Variants in HSPA9 observed in about 807,000 individuals in gnomAD.
HSPA9 encodes heat shock protein family A (Hsp70) member 9, also known as stress-70 protein, mitochondrial.
A neutral mutation model predicts 81.5 loss-of-function variants in HSPA9; 28 were observed. That is an observed-to-expected ratio of 0.34 (90% CI 0.25 to 0.47). The LOEUF (loss-of-function observed/expected upper bound fraction) is 0.47, where lower values mean the gene tolerates loss of function less well. Ranked by LOEUF, HSPA9 falls within the 20% of genes least tolerant of loss-of-function variation. The pLI, the probability that HSPA9 is intolerant of heterozygous loss-of-function variation, is 1.00. For missense variants in HSPA9, 678 were observed against 838.0 expected (o/e 0.81, Z 2.36); for synonymous variants, 293 against 290.4 (o/e 1.01, Z -0.09).
At chr5:138,569,135 C>G (rs1750826293) in intron 4 of HSPA9, 86 bp from the exon 5 acceptor site, 1 of 1,312,122 alleles carries the variant, frequency 7.6e-7, no homozygotes, top group South Asian at 1.2e-5. Context: ...CATCCATCTT[C>G]CACCCCAAGA....
At chr5:138,562,331 C>T (rs368639248) in intron 9 of HSPA9, among the ~76,000 whole-genome samples, 3 of 149,562 alleles carry the variant, frequency 2.0e-5, no homozygotes, top group African/African-American at 7.3e-5. Context: ...GGGTGGATCA[C>T]GAGGTCAGGA....
Position 138,561,581 on chromosome 5 carries a change from T to C in HSPA9, c.1181A>G (p.Lys394Arg). ...ILVGGMTRMP[K>R]VQQTVQDLFG... is the part of the protein sequence containing the mutation. ...CGACAGAATTCCACTGGTCCATACC[T>C]TGGGCATCCTAGTCATGCCACCCAC... Residue 394 changes from lysine to arginine, a missense_variant and splice_region_variant, in exon 10 of 17, where the codon AAG (lysine) becomes AGG (arginine). Lys to Arg is a conservative substitution (Grantham distance 26). Around this residue, in one of 4 missense-constraint regions of HSPA9, gnomAD observed 484 missense variants for 647.5 expected, o/e 0.75. Coordinates refer to ENST00000297185, the MANE Select transcript of HSPA9 (RefSeq NM_004134.7). 3 of 1,610,884 alleles carry C rather than the reference T, an allele frequency of 1.9e-6. No homozygotes were observed. Among genetic ancestry groups the C allele is most frequent in the Non-Finnish European group, 2.5e-6 (3 of 1,178,170 alleles).
rs955208322 is a variant in HSPA9 at position 138,567,249 on chromosome 5, C to T, written c.717-86G>A. Reference sequence around the variant, plus strand: ...GGATATAAATTTCAATAACCAAATACAGATAATCTAAGCTATTTCCCTGAG... The same window carrying T: ...GGATATAAATTTCAATAACCAAATATAGATAATCTAAGCTATTTCCCTGAG... On this transcript the variant is annotated intron_variant, in intron 7 of 16. Coordinates refer to ENST00000297185, the MANE Select transcript of HSPA9 (RefSeq NM_004134.7). The T allele has an allele frequency of 1.5e-5, 18 of 1,195,988 alleles. No homozygotes were observed. In the Admixed American group the frequency reaches 3.3e-4, roughly 22 times the overall value. 74.1% of individuals were successfully genotyped at this position (1,195,988 alleles called of 1,614,324 possible). A position where few individuals can be genotyped will look rare whatever the true frequency, so the allele number is the denominator to read the frequency against.
At position 138,569,015 on chromosome 5, in the gene HSPA9, T is replaced by A; in HGVS notation, c.445A>T (p.Asn149Tyr). Residue 149 changes from asparagine (N) to tyrosine (Y), a missense_variant, in exon 5 of 17, where the codon AAT becomes TAT. This residue lies in a region of HSPA9 where 484 missense variants were observed against 647.5 expected (regional missense o/e 0.75). Transcript: ENST00000297185. ...TGAGCCTCAACCCAGGCATCACCAT[T>A]GGAGGCACGGACAATTTTAAAGGGA... ...NVPFKIVRAS[N>Y]GDAWVEAHGK... 1.2e-6 allele frequency: 2 copies of A among 1,613,966 alleles called. No homozygotes were observed. Among genetic ancestry groups the A allele is most frequent in the Non-Finnish European group, 1.7e-6 (2 of 1,179,856 alleles).
intron 4 of HSPA9, among the ~76,000 whole-genome samples, chr5:138,569,438 G>A (rs888388229): frequency 1.3e-5 from 2 of 152,158 alleles, no homozygotes; most frequent in African/African-American, 4.8e-5. Context: ...GTACACAAAT[G>A]TTTATGGCAG....
Position 138,556,569 on chromosome 5 carries a change from A to G in HSPA9, c.1845T>C (p.Ile615=), listed in dbSNP as rs779025678. The G allele has an allele frequency of 3.5e-5, 56 of 1,613,966 alleles. 1 individual carries two copies. In the South Asian group the frequency reaches 6.0e-4, roughly 17 times the overall value. The part of the protein sequence containing the change: ...ADECNKLKEE[I]SKMRELLARK... ...TAGCCAGGAGCTCCCTCATTTTGGA[A>G]ATCTCTTCTTTCAGCTTGTTGCACT... Residue 615 remains isoleucine, a synonymous_variant, in exon 16 of 17, where the codon ATT becomes ATC. Transcript: ENST00000297185.
At chr5:138,566,873 T>A in intron 8 of HSPA9, 128 bp downstream of exon 8, 1 of 1,186,538 alleles carries the variant, frequency 8.4e-7, no homozygotes, top group South Asian at 1.2e-5. Flanking sequence ...AAAAAAAATA[T>A]TCTGAAAAGA....
In HSPA9 at chr5:138,555,267, T is replaced by TG. The variant is rs1301754877; in HGVS notation, c.*769dup. On this transcript the variant is annotated 3_prime_UTR_variant, in exon 17 of 17. Transcript: ENST00000297185. ...CCTGTATTTCCCTCTTTGGGAAATATGGGAAGCATGAGCCATGGCATATTC... is the reference window on the plus strand; with the variant it reads ...CCTGTATTTCCCTCTTTGGGAAATATGGGGAAGCATGAGCCATGGCATATTC... 1 of 152,004 alleles carries TG rather than the reference T, an allele frequency of 6.6e-6. No individual in the cohort carries two copies. The highest frequency in any genetic ancestry group is 1.5e-5 in the Non-Finnish European group (1 of 68,008). 9.4% of individuals were successfully genotyped at this position (152,004 alleles called of 1,614,324 possible). A position where few individuals can be genotyped will look rare whatever the true frequency, so the allele number is the denominator to read the frequency against.
In HSPA9 at chr5:138,560,094, G is replaced by T; in HGVS notation, c.1183-3C>A. 6.2e-7 allele frequency: 1 copy of T among 1,611,672 alleles called. No homozygotes were observed. Among genetic ancestry groups the T allele is most frequent in the Non-Finnish European group, 8.5e-7 (1 of 1,178,072 alleles). On this transcript the variant is annotated splice_region_variant and splice_polypyrimidine_tract_variant and intron_variant, in intron 10 of 16. Transcript: ENST00000297185. The stretch of plus-strand genomic sequence containing the variant: ...AGATCCTGTACAGTCTGCTGAACCT[G>T]AACATCAAGGAAAAAGAACCTGTCG...
intron 3 of HSPA9, among the ~76,000 whole-genome samples, chr5:138,572,103 C>T (rs1296544627): frequency 1.3e-5 from 2 of 151,814 alleles, no homozygotes; most frequent in Non-Finnish European, 2.9e-5. Context: ...ACTACAGGGG[C>T]ACACCACTAT....
At chr5:138,561,162 G>C (rs1014898842) in intron 10 of HSPA9, 2 of 435,602 alleles carry the variant, frequency 4.6e-6, no homozygotes, top group Non-Finnish European at 9.6e-6. Flanking sequence ...GTACAAAGAT[G>C]GTGGCCGGGG....
At position 138,558,536 on chromosome 5, in the gene HSPA9, G is replaced by C; in HGVS notation, c.1515+17C>G. 6.9e-7 allele frequency: 1 copy of C among 1,449,636 alleles called. No homozygotes were observed. The highest frequency in any genetic ancestry group is 9.7e-7 in the Non-Finnish European group (1 of 1,030,090). 89.8% of individuals were successfully genotyped at this position (1,449,636 alleles called of 1,614,324 possible). On this transcript the variant is annotated intron_variant, in intron 12 of 16. Transcript: ENST00000297185. ...ACAGTGAAGGAGGCATAGTATTCAG[G>C]ATTCACAATAACCTACCAAAGTAAA...
At position 138,556,781 on chromosome 5, in the gene HSPA9, G is replaced by C; in HGVS notation, c.1814C>G (p.Ala605Gly). The change falls in exon 15 of 17, where the codon GCT (alanine) becomes GGT (glycine). Residue 605 changes from alanine to glycine, a missense_variant. Physicochemically the swap from Ala to Gly is moderately conservative, Grantham distance 60. Coordinates refer to ENST00000297185, the MANE Select transcript of HSPA9 (RefSeq NM_004134.7). ...KMEEFKDQLP[A>G]DECNKLKEEI... ...CTTTAAAATAGAACTCACCTCATCA[G>C]CAGGTAATTGGTCCTTGAATTCTTC... 1 of 1,611,032 alleles carries C rather than the reference G, an allele frequency of 6.2e-7. No homozygotes were observed. The highest frequency in any genetic ancestry group is 8.5e-7 in the Non-Finnish European group (1 of 1,177,164).
chr5:138,571,305 C>G (rs1750879586), intron 3 of HSPA9, among the ~76,000 whole-genome samples, 164 bp from the exon 4 acceptor site: 1 of 152,100 alleles, frequency 6.6e-6, no homozygotes, highest in South Asian at 2.1e-4. Context: ...CTCAGCCTCC[C>G]TAGTAGCTGG....
At chr5:138,558,056 A>G in intron 12 of HSPA9, 70 bp from the exon 13 acceptor site, 1 of 998,640 alleles carries the variant, frequency 1.0e-6, no homozygotes, top group South Asian at 1.3e-5. Context: ...CCAAATCTAT[A>G]TGGTTTTCTA....
intron 7 of HSPA9, 116 bp from the exon 8 acceptor site, chr5:138,567,279 G>A (rs1750787595): frequency 1.2e-5 from 12 of 1,030,496 alleles, no homozygotes; most frequent in Non-Finnish European, 1.6e-5. Flanking sequence ...CCTGAGATAT[G>A]TACTAGTTAA....
rs374396164 is a variant in HSPA9, at chr5:138,574,040, C to T, written c.140+28G>A. On this transcript the variant is annotated intron_variant, in intron 2 of 16. Coordinates refer to ENST00000297185, the MANE Select transcript of HSPA9 (RefSeq NM_004134.7). ...TGCTTTGAAGTTTAATATGTATTCCCTCTCAAAGGAAATGATATTATACTT... is the reference window on the plus strand; with the variant it reads ...TGCTTTGAAGTTTAATATGTATTCCTTCTCAAAGGAAATGATATTATACTT... 1.9e-6 allele frequency: 3 copies of T among 1,567,244 alleles called. No individual in the cohort carries two copies. The African/African-American group carries it at 4.1e-5, about 21-fold the overall frequency.
Position 138,557,884 on chromosome 5 carries a change from C to T in HSPA9, c.1618G>A (p.Gly540Arg). ...GGTGACTTACTCTGCTGCTCACGTC[C>T]TGTGCCTTTATCTTTAGCAGAAACA... The part of the protein sequence containing the change: ...VHVSAKDKGT[G>R]REQQIVIQSS... Residue 540 changes from glycine to arginine, a missense_variant, in exon 13 of 17, where the codon GGA (glycine) becomes AGA (arginine). Gly to Arg is a moderately radical substitution (Grantham distance 125). Around this residue, in one of 4 missense-constraint regions of HSPA9, gnomAD observed 484 missense variants for 647.5 expected, o/e 0.75. Transcript: ENST00000297185. 1 of 1,607,294 alleles carries T rather than the reference C, an allele frequency of 6.2e-7. No homozygotes were observed. The highest frequency in any genetic ancestry group is 8.5e-7 in the Non-Finnish European group (1 of 1,175,506).
chr5:138,559,242 A>G (rs370606943), intron 11 of HSPA9, among the ~76,000 whole-genome samples: 1 of 151,910 alleles, frequency 6.6e-6, no homozygotes, highest in African/African-American at 2.4e-5. Context: ...AGTAGCTGGG[A>G]CTACAGGTAC....
Sources: allele counts gnomAD v4.1 joint callset (sites outside exome capture counted in the v4.1 genomes callset), GRCh38; gene constraint gnomAD v4.1.1; regional missense constraint gnomAD v4.1.1; transcripts MANE v1.5; gene names NCBI Gene and HGNC (gene_info 2026-07-23, HGNC 2026-07-21).